Variants in EML1 observed in about 807,000 individuals in gnomAD.
EML1 encodes the protein echinoderm microtubule-associated protein-like 1.
A neutral mutation model predicts 110.4 loss-of-function variants in EML1; 27 were observed. That is an observed-to-expected ratio of 0.24 (90% CI 0.18 to 0.34). The LOEUF (loss-of-function observed/expected upper bound fraction) is 0.34. Among genes scored for constraint, EML1 ranks in the 10% least tolerant of loss-of-function variants. The pLI, the probability that EML1 is intolerant of heterozygous loss-of-function variation, is 1.00. For synonymous variants in EML1, 344 were observed against 385.8 expected, an observed-to-expected ratio of 0.89 and a Z score of 1.27; for missense variants, 741 against 1,030.9, an observed-to-expected ratio of 0.72 and a Z score of 3.85.
chr14:99,808,838 T>C (rs995922941), intron 1 of EML1, among the ~76,000 whole-genome samples: 4 of 152,238 alleles, frequency 2.6e-5, no homozygotes, highest in African/African-American at 9.6e-5. Flanking sequence ...TCTAATATTT[T>C]ACAGTTTTTA....
intron 11 of EML1, 58 bp from the exon 12 acceptor site, chr14:99,910,184 A>AAT (rs1057262922): frequency 7.2e-6 from 9 of 1,245,446 alleles, no homozygotes; most frequent in East Asian, 2.6e-5. Flanking sequence ...GGTTGTCTGG[A>AAT]ATATATATAT....
chr14:99,895,256 ATAGT>A (rs1192348074), intron 6 of EML1, among the ~76,000 whole-genome samples: 1 of 152,060 alleles, frequency 6.6e-6, no homozygotes, highest in Non-Finnish European at 1.5e-5. Context: ...TTTTTAAGAG[ATAGT>A]CTCTCCCTAT....
intron 4 of EML1, among the ~76,000 whole-genome samples, chr14:99,887,786 C>T (rs1393126838): frequency 2.6e-5 from 4 of 152,236 alleles, no homozygotes; most frequent in African/African-American, 7.2e-5. Context: ...GCACTTTCTG[C>T]ATACAGCTCC....
Position 99,931,048 on chromosome 14 carries a change from TGA to T in EML1, c.1910-4979_1910-4978del, listed in dbSNP as rs1219304960. ...ATTAGATCCCCCATCTGCCTGGGTC[TGA>T]GCCCTGTGCTGATGCAACCCCTGCC... is the stretch of plus-strand genomic sequence containing the variant. On this transcript the variant is annotated intron_variant, in intron 17 of 21. Coordinates refer to ENST00000262233, the MANE Select transcript of EML1 (RefSeq NM_004434.3). 4.6e-5 allele frequency among the ~76,000 whole-genome samples: 7 copies of T among 152,350 alleles called. No individual in the cohort carries two copies. In the East Asian group the frequency reaches 1.2e-3, roughly 25 times the overall value.
At chr14:99,809,723 T>A (rs899700447) in intron 1 of EML1, 7 of 455,980 alleles carry the variant, frequency 1.5e-5, no homozygotes, top group Non-Finnish European at 2.6e-5. Context: ...TGATCTGAAA[T>A]CATTTGATGG....
intron 9 of EML1, among the ~76,000 whole-genome samples, chr14:99,904,264 C>T (rs906091189): frequency 3.3e-5 from 5 of 152,144 alleles, no homozygotes; most frequent in African/African-American, 1.2e-4. Context: ...CCAATATGTT[C>T]ACACAGAATT....
chr14:99,886,536 T>C (rs964850523), intron 4 of EML1, among the ~76,000 whole-genome samples: 1 of 152,182 alleles, frequency 6.6e-6, no homozygotes, highest in Non-Finnish European at 1.5e-5. Context: ...ATTAATAAAT[T>C]GTAGGGAAAT....
intron 1 of EML1, among the ~76,000 whole-genome samples, chr14:99,788,130 C>T (rs1028202875): frequency 3.3e-5 from 5 of 152,178 alleles, no homozygotes; most frequent in East Asian, 1.9e-4. Flanking sequence ...GCTCTACCCA[C>T]GGCTGTTCTG....
intron 13 of EML1, among the ~76,000 whole-genome samples, chr14:99,912,144 A>G (rs1298522908): frequency 1.3e-5 from 2 of 152,100 alleles, no homozygotes; most frequent in Admixed American, 6.5e-5. Context: ...AGCCTCCCAA[A>G]GTGCTGGATT....
intron 16 of EML1, among the ~76,000 whole-genome samples, chr14:99,918,576 G>A (rs535119063): frequency 7.9e-4 from 121 of 152,276 alleles, no homozygotes; most frequent in Middle Eastern, 6.8e-3. Context: ...CCAACCCTTT[G>A]AGAGGCCTAG....
intron 8 of EML1, among the ~76,000 whole-genome samples, chr14:99,899,086 A>G (rs903815302): frequency 6.6e-6 from 1 of 152,170 alleles, no homozygotes; most frequent in African/African-American, 2.4e-5. Context: ...TTTTGCAAGC[A>G]CTTCAGCAAG....
At chr14:99,802,868 T>A (rs531186732) in intron 1 of EML1, among the ~76,000 whole-genome samples, 73 of 152,226 alleles carry the variant, frequency 4.8e-4, no homozygotes, top group Middle Eastern at 3.4e-3. Context: ...ATGTGCCTCC[T>A]GCAAGACAGA....
At position 99,939,863 on chromosome 14, in the gene EML1, T is replaced by C. The variant is rs2060553681; in HGVS notation, c.2323-124T>C. ...GTCACACACAGAGCAGGTTCCCAAG[T>C]GAGAGCTGCCGAGCGGAGGGCGAGT... On this transcript the variant is annotated intron_variant, in intron 21 of 21. Transcript: ENST00000262233. The surrounding 1 kb of genome is among the most constrained non-coding windows in gnomAD (Gnocchi z 4.2). 7.9e-7 allele frequency: 1 copy of C among 1,262,814 alleles called. No homozygotes were observed. Among genetic ancestry groups the C allele is most frequent in the East Asian group, 2.6e-5 (1 of 38,720 alleles). 78.2% of individuals were successfully genotyped at this position (1,262,814 alleles called of 1,614,324 possible).
At chr14:99,828,554 A>G (rs1245221457) in intron 1 of EML1, among the ~76,000 whole-genome samples, 4 of 152,186 alleles carry the variant, frequency 2.6e-5, no homozygotes, top group African/African-American at 9.7e-5. Context: ...AATCTCTTAC[A>G]GTGTCTAATT....
chr14:99,762,400 T>C (rs1320168771), intron 1 of EML1, among the ~76,000 whole-genome samples: 1 of 152,158 alleles, frequency 6.6e-6, no homozygotes, highest in Non-Finnish European at 1.5e-5. Flanking sequence ...CGCACCCTCC[T>C]CCAGCCATTA....
intron 1 of EML1, among the ~76,000 whole-genome samples, chr14:99,748,042 G>T (rs1016009344): frequency 6.6e-6 from 1 of 152,214 alleles, no homozygotes; most frequent in African/African-American, 2.4e-5. Flanking sequence ...GCGTGCCTGG[G>T]TGCCTGGGAG....
chr14:99,838,929 G>T (rs1399112592), intron 1 of EML1: 1 of 143,976 alleles, frequency 6.9e-6, no homozygotes, highest in Admixed American at 6.8e-5. Context: ...GTGTGTGTGT[G>T]TGCGCGCGCG....
At chr14:99,890,428 G>A (rs1209401613) in intron 4 of EML1, among the ~76,000 whole-genome samples, 2 of 152,216 alleles carry the variant, frequency 1.3e-5, no homozygotes, top group East Asian at 3.8e-4. Flanking sequence ...TGGGAGGGGT[G>A]CCCCTGGCAG....
At chr14:99,921,859 T>G (rs1251829450) in intron 17 of EML1, among the ~76,000 whole-genome samples, 1 of 152,216 alleles carries the variant, frequency 6.6e-6, no homozygotes, top group Non-Finnish European at 1.5e-5. Context: ...TTTTTAACCT[T>G]TTCATCATCC....
Sources: allele counts gnomAD v4.1 joint callset (sites outside exome capture counted in the v4.1 genomes callset), GRCh38; gene constraint gnomAD v4.1.1; non-coding constraint Gnocchi (gnomAD v3.1); transcripts MANE v1.5; gene names NCBI Gene and HGNC (gene_info 2026-07-23, HGNC 2026-07-21).